Variants in PDE4B observed in about 807,000 individuals in gnomAD.
PDE4B encodes the protein 3',5'-cyclic-AMP phosphodiesterase 4B.
In PDE4B, 20 loss-of-function variants were observed where a neutral mutation model predicts 82.2. The observed-to-expected ratio is 0.24, with a 90% confidence interval of 0.17 to 0.35. PDE4B has a LOEUF of 0.35. Ranked by LOEUF, PDE4B falls within the 10% of genes least tolerant of loss-of-function variation. The pLI is 1.00. For missense variants in PDE4B, 655 were observed against 907.2 expected (o/e 0.72, Z 3.57); for synonymous variants, 320 against 318.9 (o/e 1.00, Z -0.04).
At chr1:66,112,990 G>T (rs571876920) in intron 3 of PDE4B, among the ~76,000 whole-genome samples, 1 of 152,226 alleles carries the variant, frequency 6.6e-6, no homozygotes, top group Admixed American at 6.5e-5. Context: ...AGCTTTTAAA[G>T]TGACCAAGTT....
chr1:66,374,130 T>A lies in PDE4B; in HGVS notation c.*1452T>A, dbSNP rs1405337470. On this transcript the variant is annotated 3_prime_UTR_variant, in exon 17 of 17. Transcript: ENST00000341517. ...AGGAAACACTACATTTGCTCACAGATGATTCTTCTGAATGCTCCCGAACTA... is the reference window on the plus strand; with the variant it reads ...AGGAAACACTACATTTGCTCACAGAAGATTCTTCTGAATGCTCCCGAACTA... 6.6e-6 allele frequency: 1 copy of A among 152,660 alleles called. No homozygotes were observed. The highest frequency in any genetic ancestry group is 1.5e-5 in the Non-Finnish European group (1 of 68,040). 9.5% of individuals were successfully genotyped at this position (152,660 alleles called of 1,614,324 possible). A position where few individuals can be genotyped will look rare whatever the true frequency, so the allele number is the denominator to read the frequency against.
chr1:66,036,400 G>C (rs1654064202), intron 3 of PDE4B, among the ~76,000 whole-genome samples: 1 of 152,056 alleles, frequency 6.6e-6, no homozygotes. Flanking sequence ...TTTCTGCCCA[G>C]ACCAATATGG....
intron 3 of PDE4B, among the ~76,000 whole-genome samples, chr1:66,028,169 G>C (rs1323068522): frequency 6.6e-6 from 1 of 152,230 alleles, no homozygotes; most frequent in African/African-American, 2.4e-5. Flanking sequence ...AATCTAGGCG[G>C]AGGTTCACAA....
chr1:65,930,453 A>C (rs999320117), intron 3 of PDE4B, among the ~76,000 whole-genome samples: 2 of 152,250 alleles, frequency 1.3e-5, no homozygotes, highest in South Asian at 4.1e-4. Context: ...AGCTACAGGC[A>C]TTCAATGCCA....
In PDE4B at chr1:66,097,447, A is replaced by G. The variant is rs147644586; in HGVS notation, c.282-150013A>G. 3.3e-3 allele frequency among the ~76,000 whole-genome samples: 499 copies of G among 152,150 alleles called. 3 individuals carry two copies. The highest frequency in any genetic ancestry group is 0.011 in the African/African-American group (472 of 41,550). The stretch of plus-strand genomic sequence containing the variant: ...CAATCAAATCTGTTGCCCATTTTTA[A>G]ATGTTATTTGTCTTCTAATTGAGTT... On this transcript the variant is annotated intron_variant, in intron 3 of 16. Coordinates refer to ENST00000341517, the MANE Select transcript of PDE4B (RefSeq NM_002600.4).
At chr1:66,175,164 TA>T (rs777504377) in intron 3 of PDE4B, among the ~76,000 whole-genome samples, 2 of 152,192 alleles carry the variant, frequency 1.3e-5, no homozygotes, top group Non-Finnish European at 2.9e-5. Flanking sequence ...AAGGCAATTA[TA>T]TTAGAAGCTA....
At chr1:66,084,593 C>T (rs1427087539) in intron 3 of PDE4B, among the ~76,000 whole-genome samples, 1 of 152,118 alleles carries the variant, frequency 6.6e-6, no homozygotes, top group Non-Finnish European at 1.5e-5. Flanking sequence ...CCAAGAAACT[C>T]ATCCAGTAGA....
At chr1:66,069,466 G>A (rs545187695) in intron 3 of PDE4B, among the ~76,000 whole-genome samples, 13 of 152,010 alleles carry the variant, frequency 8.6e-5, no homozygotes, top group African/African-American at 3.1e-4. Context: ...CTCTTCCATA[G>A]CATATGATTA....
chr1:66,023,211 T>C (rs766302487), intron 3 of PDE4B, among the ~76,000 whole-genome samples: 2 of 152,196 alleles, frequency 1.3e-5, no homozygotes, highest in Non-Finnish European at 2.9e-5. Context: ...AGGTAGTTAA[T>C]GCAGCTGTAC....
intron 3 of PDE4B, among the ~76,000 whole-genome samples, chr1:66,240,019 G>C (rs1652763960): frequency 6.6e-6 from 1 of 152,186 alleles, no homozygotes; most frequent in African/African-American, 2.4e-5. Flanking sequence ...TGGTCATTGG[G>C]CCTCTCCTTT....
intron 3 of PDE4B, among the ~76,000 whole-genome samples, chr1:66,151,434 AATAATAGTTACTCTCTTCCAGGC>A (rs1646392133): frequency 6.6e-6 from 1 of 152,158 alleles, no homozygotes. Flanking sequence ...AACTCATGAT[AATAATAGTTACTCTCTTCCAGGC>A]ATTGTGTTAA....
chr1:66,308,188 C>A (rs1017769428), intron 7 of PDE4B, among the ~76,000 whole-genome samples: 2 of 152,038 alleles, frequency 1.3e-5, no homozygotes, highest in African/African-American at 4.8e-5. Context: ...GATAAGGTAG[C>A]TGAGGTCAGA....
At chr1:66,058,768 T>A (rs1197071667) in intron 3 of PDE4B, among the ~76,000 whole-genome samples, 2 of 152,130 alleles carry the variant, frequency 1.3e-5, no homozygotes, top group Non-Finnish European at 2.9e-5. Context: ...GCCCGGGCCA[T>A]GAAACCATTT....
intron 3 of PDE4B, among the ~76,000 whole-genome samples, chr1:66,133,699 CA>C (rs1380937500): frequency 1.3e-5 from 2 of 152,160 alleles, no homozygotes; most frequent in African/African-American, 2.4e-5. Flanking sequence ...GAATCTTAAG[CA>C]AGTCTTCCTT....
chr1:66,174,087 TTACTTTTTTAAG>T (rs1218010151), intron 3 of PDE4B, among the ~76,000 whole-genome samples: 1 of 152,126 alleles, frequency 6.6e-6, no homozygotes, highest in Non-Finnish European at 1.5e-5. Context: ...GCACCCAACT[TTACTTTTTTAAG>T]TTACTTTACC....
chr1:66,301,896 T>C (rs185855162), intron 7 of PDE4B, among the ~76,000 whole-genome samples: 54 of 152,228 alleles, frequency 3.5e-4, no homozygotes, highest in Non-Finnish European at 3.4e-4. Flanking sequence ...AACATGTTCG[T>C]TGGGCTTTTA....
intron 2 of PDE4B, among the ~76,000 whole-genome samples, chr1:65,913,630 C>A (rs1647122816): frequency 6.6e-6 from 1 of 152,202 alleles, no homozygotes; most frequent in Non-Finnish European, 1.5e-5. Flanking sequence ...TCCTCACTCT[C>A]AGATAATTCC....
In PDE4B at chr1:66,259,037, A is replaced by G. The variant is rs1306852492; in HGVS notation, c.584+1174A>G. On this transcript the variant is annotated intron_variant, in intron 6 of 16. Transcript: ENST00000341517. ...TTTAAATGCTGGTGCTTGGCACTCA[A>G]GACAAATTAATTTGATTGATAGTTG... Among the ~76,000 whole-genome samples, 6 of 152,222 alleles carry G rather than the reference A, an allele frequency of 3.9e-5. No homozygotes were observed. In the East Asian group the frequency reaches 1.2e-3, roughly 29 times the overall value.
Position 66,032,058 on chromosome 1 carries a change from C to G in PDE4B, c.281+113223C>G, listed in dbSNP as rs1653805776. Among the ~76,000 whole-genome samples the G allele has an allele frequency of 1.3e-5, 2 of 152,156 alleles. 1 individual carries two copies. The highest frequency in any genetic ancestry group is 4.8e-5 in the African/African-American group (2 of 41,432). ...GAGATAGAGCTGATCTGGGTTCAAACCATGAACCTCACCATCAACTAGGCT... is the reference window on the plus strand; with the variant it reads ...GAGATAGAGCTGATCTGGGTTCAAAGCATGAACCTCACCATCAACTAGGCT... On this transcript the variant is annotated intron_variant, in intron 3 of 16. Coordinates refer to ENST00000341517, the MANE Select transcript of PDE4B (RefSeq NM_002600.4).
Sources: gnomAD v4.1 joint callset for allele counts (sites outside exome capture counted in the v4.1 genomes callset) on GRCh38, gnomAD v4.1.1 for gene constraint, MANE v1.5 for transcripts, NCBI Gene and HGNC (gene_info 2026-07-23, HGNC 2026-07-21) for gene names.